The following PARD3 variants were observed in gnomAD, a reference collection of about 807,000 sequenced individuals.
PARD3 encodes par-3 family cell polarity regulator.
Under a neutral mutation model 155.4 loss-of-function variants are expected in PARD3, and 75 were observed. The observed-to-expected ratio is 0.48, with a 90% CI of 0.40 to 0.58. The LOEUF (loss-of-function observed/expected upper bound fraction) is 0.58. PARD3 is among the 20% of genes least tolerant of loss of function. The pLI is 0.00. For missense variants in PARD3, 1,642 were observed against 1,721.7 expected, an observed-to-expected ratio of 0.95 and a Z score of 0.82; for synonymous variants, 576 against 610.5, an observed-to-expected ratio of 0.94 and a Z score of 0.83.
intron 1 of PARD3, among the ~76,000 whole-genome samples, chr10:34,784,841 C>T (rs1207354653): frequency 1.3e-5 from 2 of 152,122 alleles, no homozygotes; most frequent in African/African-American, 2.4e-5. Flanking sequence ...CACTGTCAAG[C>T]GGAAACATCA....
intron 22 of PARD3, among the ~76,000 whole-genome samples, chr10:34,250,888 G>A (rs1223256898): frequency 6.6e-6 from 1 of 152,140 alleles, no homozygotes; most frequent in African/African-American, 2.4e-5. Flanking sequence ...ACTTCCAGGA[G>A]GAAAGCAGTT....
intron 2 of PARD3, among the ~76,000 whole-genome samples, chr10:34,643,300 T>A (rs2031335): frequency 6.6e-6 from 1 of 152,082 alleles, no homozygotes; most frequent in East Asian, 1.9e-4. Context: ...TGCGTCCTCA[T>A]TGCCTCAAGT....
At chr10:34,736,654 A>G (rs2094919841) in intron 1 of PARD3, among the ~76,000 whole-genome samples, 1 of 75,844 alleles carries the variant, frequency 1.3e-5, no homozygotes, top group East Asian at 2.7e-4. Flanking sequence ...TAATTAATTA[A>G]TTTATTTATT....
Position 34,420,982 on chromosome 10 carries a change from G to C in PARD3, c.715-19065C>G, listed in dbSNP as rs543342061. ...GCTTGAGCCCAGGAGTTTGAGACCA[G>C]CCCAGGCAACATTGCAAGGCCTCAT... is the stretch of plus-strand genomic sequence containing the variant. On this transcript the variant is annotated intron_variant, in intron 5 of 24. Coordinates refer to ENST00000374788, the MANE Select transcript of PARD3 (RefSeq NM_001184785.2). 7.9e-5 allele frequency among the ~76,000 whole-genome samples: 12 copies of C among 152,222 alleles called. No individual in the cohort carries two copies. In the South Asian group the frequency reaches 2.5e-3, roughly 32 times the overall value.
intron 2 of PARD3, among the ~76,000 whole-genome samples, chr10:34,553,433 T>C (rs1274073111): frequency 6.6e-6 from 1 of 152,026 alleles, no homozygotes; most frequent in Non-Finnish European, 1.5e-5. Context: ...ACAATAGAAA[T>C]TGCATGACCA....
At chr10:34,184,439 C>T (rs566258155) in intron 22 of PARD3, among the ~76,000 whole-genome samples, 1 of 152,132 alleles carries the variant, frequency 6.6e-6, no homozygotes, top group African/African-American at 2.4e-5. Context: ...CTGATGGCAC[C>T]CCCTGGCTCA....
In PARD3 at chr10:34,311,809, C is replaced by T. The variant is rs555256016; in HGVS notation, c.3065+5298G>A. Among the ~76,000 whole-genome samples the T allele has an allele frequency of 7.9e-5, 12 of 152,244 alleles. No homozygotes were observed. The East Asian group carries it at 2.3e-3, about 29-fold the overall frequency. On this transcript the variant is annotated intron_variant, in intron 20 of 24. Coordinates refer to ENST00000374788, the MANE Select transcript of PARD3 (RefSeq NM_001184785.2). The stretch of plus-strand genomic sequence containing the variant: ...TCCACAAAGGGACTGAAACCTTTGC[C>T]AAAAAGGCCCTTTCAAACTGGTCCA...
chr10:34,623,034 G>C (rs181252443), intron 2 of PARD3, among the ~76,000 whole-genome samples: 69 of 152,084 alleles, frequency 4.5e-4, no homozygotes, highest in South Asian at 3.3e-3. Context: ...AGAGTGTACA[G>C]GTCACATGTG....
intron 22 of PARD3, among the ~76,000 whole-genome samples, chr10:34,225,678 T>C (rs374993180): frequency 1.8e-4 from 28 of 152,156 alleles, no homozygotes; most frequent in African/African-American, 6.8e-4. Context: ...GGTTAAAACA[T>C]ACACATGCGA....
intron 5 of PARD3, among the ~76,000 whole-genome samples, chr10:34,431,643 G>C (rs2075905619): frequency 6.7e-6 from 1 of 149,892 alleles, no homozygotes; most frequent in Non-Finnish European, 1.5e-5. Flanking sequence ...GGGAGGCTGA[G>C]GCAACAGAAT....
intron 2 of PARD3, among the ~76,000 whole-genome samples, chr10:34,663,272 C>T (rs2093370560): frequency 6.6e-6 from 1 of 151,804 alleles, no homozygotes; most frequent in Non-Finnish European, 1.5e-5. Context: ...AAGACCAGCC[C>T]GGGCAACATG....
chr10:34,519,476 T>A (rs1277276474), intron 2 of PARD3, among the ~76,000 whole-genome samples: 2 of 152,332 alleles, frequency 1.3e-5, no homozygotes, highest in Non-Finnish European at 1.5e-5. Flanking sequence ...TATGTCTTCT[T>A]ATAACTAATA....
At chr10:34,180,020 T>C (rs1950200415) in intron 22 of PARD3, among the ~76,000 whole-genome samples, 1 of 152,152 alleles carries the variant, frequency 6.6e-6, no homozygotes, top group African/African-American at 2.4e-5. Flanking sequence ...AAGCACTTCA[T>C]GAAGAGTGGG....
rs116711708 is a variant in PARD3 at position 34,288,910 on chromosome 10, G to A, written c.3066-4665C>T. Reference sequence around the variant, plus strand: ...GAAAGGTAAAGTGGCCACCTACACTGGTACCTCAGGAAGAATTTGCTAGTC... The same window carrying A: ...GAAAGGTAAAGTGGCCACCTACACTAGTACCTCAGGAAGAATTTGCTAGTC... On this transcript the variant is annotated intron_variant, in intron 20 of 24. Transcript: ENST00000374788. Among the ~76,000 whole-genome samples the A allele has an allele frequency of 2.8e-3, 419 of 152,264 alleles. 2 individuals are homozygous for A. The highest frequency in any genetic ancestry group is 9.3e-3 in the African/African-American group (386 of 41,548).
chr10:34,174,410 G>A (rs1324181781), intron 22 of PARD3, among the ~76,000 whole-genome samples: 1 of 152,162 alleles, frequency 6.6e-6, no homozygotes, highest in Non-Finnish European at 1.5e-5. Context: ...GGATCCCAAT[G>A]CAAGAGATAT....
At chr10:34,154,508 A>G (rs1490082313) in intron 22 of PARD3, among the ~76,000 whole-genome samples, 1 of 152,224 alleles carries the variant, frequency 6.6e-6, no homozygotes, top group Admixed American at 6.5e-5. Flanking sequence ...TCTTTAAGAT[A>G]AGCATCACCT....
At chr10:34,116,489 C>A (rs538339373) in intron 24 of PARD3, among the ~76,000 whole-genome samples, 5 of 152,126 alleles carry the variant, frequency 3.3e-5, no homozygotes, top group African/African-American at 9.7e-5. Flanking sequence ...TGGTTGCAGT[C>A]CCCCCTGACC....
At chr10:34,366,558 T>G (rs953293030) in intron 12 of PARD3, among the ~76,000 whole-genome samples, 5 of 152,128 alleles carry the variant, frequency 3.3e-5, no homozygotes, top group Non-Finnish European at 5.9e-5. Flanking sequence ...AAAAAAACCA[T>G]GCCATGACAG....
chr10:34,298,505 A>T (rs1375394856), intron 20 of PARD3, among the ~76,000 whole-genome samples: 4 of 152,232 alleles, frequency 2.6e-5, no homozygotes, highest in African/African-American at 4.8e-5. Flanking sequence ...CAAGAAGATA[A>T]ATACCGATTC....
Sources: gnomAD v4.1 joint callset for allele counts (sites outside exome capture counted in the v4.1 genomes callset) on GRCh38, gnomAD v4.1.1 for gene constraint, MANE v1.5 for transcripts, NCBI Gene and HGNC (gene_info 2026-07-23, HGNC 2026-07-21) for gene names.